Variants in MMP16 observed in about 807,000 individuals in gnomAD.
The protein encoded by MMP16 is matrix metallopeptidase 16.
Under a neutral mutation model 67.8 loss-of-function variants are expected in MMP16, and 12 were observed. The observed-to-expected ratio is 0.18, with a 90% CI of 0.11 to 0.29. MMP16 has a LOEUF of 0.29. Ranked by LOEUF, MMP16 falls within the 10% of genes least tolerant of loss-of-function variation. The pLI, the probability that MMP16 is intolerant of heterozygous loss-of-function variation, is 1.00. For missense variants in MMP16, 475 were observed against 765.7 expected (o/e 0.62, Z 4.48); for synonymous variants, 249 against 255.9 (o/e 0.97, Z 0.26).
chr8:88,169,205 T>C (rs1808762334), intron 3 of MMP16, among the ~76,000 whole-genome samples: 1 of 152,160 alleles, frequency 6.6e-6, no homozygotes. Context: ...TTTATCAGCA[T>C]GGAAAAACTT....
intron 6 of MMP16, among the ~76,000 whole-genome samples, chr8:88,088,039 T>TCTATTATATCTATATATA (rs1554577122): frequency 3.8e-4 from 7 of 18,182 alleles, no homozygotes; most frequent in East Asian, 2.1e-3. Context: ...TATATAGATA[T>TCTATTATATCTATATATA]ATAGATATCT....
At chr8:88,257,766 C>G (rs1023470723) in intron 1 of MMP16, among the ~76,000 whole-genome samples, 7 of 152,070 alleles carry the variant, frequency 4.6e-5, no homozygotes, top group Admixed American at 3.3e-4. Context: ...TAAACATGAA[C>G]AGAGCACTTA....
At chr8:88,239,452 G>A (rs1810000419) in intron 1 of MMP16, among the ~76,000 whole-genome samples, 1 of 151,816 alleles carries the variant, frequency 6.6e-6, no homozygotes, top group Non-Finnish European at 1.5e-5. Context: ...AAATCTATTT[G>A]AGGTACATTG....
chr8:88,091,012 T>G (rs1245565747), intron 6 of MMP16, among the ~76,000 whole-genome samples: 1 of 151,862 alleles, frequency 6.6e-6, no homozygotes, highest in African/African-American at 2.4e-5. Context: ...AAAATGCTTT[T>G]TTGACCTACA....
rs1808129459 is a variant in MMP16, at chr8:88,041,301, C to T, written c.*160G>A. 3.0e-6 allele frequency: 2 copies of T among 656,354 alleles called. No individual in the cohort carries two copies. The highest frequency in any genetic ancestry group is 2.7e-6 in the Non-Finnish European group (1 of 375,106). The allele number at this position is 656,354 out of a possible 1,614,324, so 40.7% of individuals were successfully genotyped here. The stretch of plus-strand genomic sequence containing the variant: ...AAGCTTCCCCATGAGTGTATTTCCA[C>T]TCATGTGCAGGACCAGCAACCCTCT... On this transcript the variant is annotated 3_prime_UTR_variant, in exon 10 of 10. Transcript: ENST00000286614. This position sits in a 1 kb window ranked among gnomAD's most constrained non-coding sequence, Gnocchi z 6.0.
At chr8:88,117,308 AAT>A (rs1304814077) in intron 5 of MMP16, among the ~76,000 whole-genome samples, 1 of 152,158 alleles carries the variant, frequency 6.6e-6, no homozygotes, top group African/African-American at 2.4e-5. Context: ...TATTGATTAA[AAT>A]ATCACCAGTA....
intron 9 of MMP16, among the ~76,000 whole-genome samples, chr8:88,043,711 A>C (rs1441821212): frequency 1.3e-5 from 2 of 152,176 alleles, no homozygotes; most frequent in Non-Finnish European, 2.9e-5. Flanking sequence ...TTTAGTTTTG[A>C]AGGACAGTTT....
intron 8 of MMP16, among the ~76,000 whole-genome samples, chr8:88,049,223 G>C (rs1389824187): frequency 6.6e-6 from 1 of 152,144 alleles, no homozygotes; most frequent in Non-Finnish European, 1.5e-5. Context: ...TTTCTGAAGA[G>C]GACAATGAAG....
intron 1 of MMP16, among the ~76,000 whole-genome samples, chr8:88,275,500 A>C (rs1180793181): frequency 6.6e-6 from 1 of 151,936 alleles, no homozygotes; most frequent in Non-Finnish European, 1.5e-5. Context: ...TATATTACTT[A>C]ATATTAAAAT....
intron 1 of MMP16, among the ~76,000 whole-genome samples, chr8:88,208,789 G>A (rs1352991456): frequency 3.3e-5 from 4 of 122,636 alleles, no homozygotes; most frequent in Non-Finnish European, 5.1e-5. Context: ...AGCCAATCAA[G>A]GAAATCATGA....
chr8:88,166,005 T>C (rs1031657632), intron 4 of MMP16, among the ~76,000 whole-genome samples: 18 of 152,124 alleles, frequency 1.2e-4, no homozygotes, highest in African/African-American at 4.1e-4. Flanking sequence ...TGCTATATAC[T>C]TTATTTTATT....
At chr8:88,151,012 A>G (rs1808396271) in intron 4 of MMP16, among the ~76,000 whole-genome samples, 1 of 142,704 alleles carries the variant, frequency 7.0e-6, no homozygotes, top group South Asian at 2.4e-4. Flanking sequence ...AAAAGGATGG[A>G]GGAAGATCTA....
chr8:88,289,073 T>A lies in MMP16; in HGVS notation c.132+38002A>T, dbSNP rs75901289. Among the ~76,000 whole-genome samples, 877 of 151,922 alleles carry A rather than the reference T, an allele frequency of 5.8e-3. 8 individuals are homozygous for A. Among genetic ancestry groups the A allele is most frequent in the African/African-American group, 0.02 (826 of 41,436 alleles). ...CCCCAAGTATGGGTTAGTTAGATAA[T>A]GGGGAGAACATTTGAATCAGATGGT... On this transcript the variant is annotated intron_variant, in intron 1 of 9. Transcript: ENST00000286614.
At chr8:88,140,713 TATTA>T (rs2118500713) in intron 4 of MMP16, among the ~76,000 whole-genome samples, 1 of 152,262 alleles carries the variant, frequency 6.6e-6, no homozygotes, top group South Asian at 2.1e-4. Context: ...TTAATAACCT[TATTA>T]AGCATATTTC....
In MMP16 at chr8:88,033,863, G is replaced by A. The variant is rs1290216828; in HGVS notation, c.*7598C>T. Reference sequence around the variant, plus strand: ...TATATATGTAATTTACACTTACAGAGAAATAGACCAAAGGATGAAGGTTTT... The same window carrying A: ...TATATATGTAATTTACACTTACAGAAAAATAGACCAAAGGATGAAGGTTTT... On this transcript the variant is annotated 3_prime_UTR_variant, in exon 10 of 10. Transcript: ENST00000286614. 6.6e-6 allele frequency: 1 copy of A among 151,962 alleles called. No homozygotes were observed. Among genetic ancestry groups the A allele is most frequent in the Non-Finnish European group, 1.5e-5 (1 of 67,944 alleles). 9.4% of individuals were successfully genotyped at this position (151,962 alleles called of 1,614,324 possible).
chr8:88,239,263 C>G (rs908292822), intron 1 of MMP16, among the ~76,000 whole-genome samples: 3 of 120,646 alleles, frequency 2.5e-5, no homozygotes, highest in Non-Finnish European at 3.2e-5. Context: ...CCATTGCACT[C>G]TAGCCTGGGA....
At chr8:88,068,093 G>A (rs2664343) in intron 7 of MMP16, among the ~76,000 whole-genome samples, 118,275 of 152,030 alleles carry the variant, frequency 0.78, 46,193 homozygotes, top group African/African-American at 0.85. Context: ...AGTCATTTAT[G>A]TGTTAGCCAT....
rs758470354 is a variant in MMP16, at chr8:88,327,177, T to C, written c.30A>G (p.Arg10=). Residue 10 remains arginine (R), a synonymous_variant, in exon 1 of 10, where the codon AGA becomes AGG. Transcript: ENST00000286614. Reference sequence around the variant, plus strand: ...CCGAATGATGCACGAAATCCAACCGTCTTCCAGTGCTGAATGTGAGTAAGA... The same window carrying C: ...CCGAATGATGCACGAAATCCAACCGCCTTCCAGTGCTGAATGTGAGTAAGA... MILLTFSTG[R]RLDFVHHSGV... is the part of the protein sequence containing the mutation. 2.7e-5 allele frequency: 44 copies of C among 1,613,894 alleles called. No individual in the cohort carries two copies. Among genetic ancestry groups the C allele is most frequent in the Non-Finnish European group, 3.6e-5 (43 of 1,179,988 alleles).
intron 1 of MMP16, among the ~76,000 whole-genome samples, chr8:88,287,555 T>G (rs1024232731): frequency 6.6e-6 from 1 of 152,208 alleles, no homozygotes; most frequent in Non-Finnish European, 1.5e-5. Context: ...ATGCCTCTTT[T>G]TGTTCATTGT....
Sources: allele counts gnomAD v4.1 joint callset (sites outside exome capture counted in the v4.1 genomes callset), GRCh38; gene constraint gnomAD v4.1.1; non-coding constraint Gnocchi (gnomAD v3.1); transcripts MANE v1.5; gene names NCBI Gene and HGNC (gene_info 2026-07-23, HGNC 2026-07-21).